NOS1AP: variants seen among roughly 807,000 people sequenced by gnomAD.
NOS1AP encodes the protein nitric oxide synthase 1 adaptor protein.
Under a neutral mutation model 56.2 loss-of-function variants are expected in NOS1AP, and 21 were observed. That is an observed-to-expected ratio of 0.37 (90% CI 0.26 to 0.54). The LOEUF (loss-of-function observed/expected upper bound fraction) is 0.54, where lower values mean the gene tolerates loss of function less well. Ranked by LOEUF, NOS1AP falls within the 20% of genes least tolerant of loss-of-function variation. The pLI, the probability that NOS1AP is intolerant of heterozygous loss-of-function variation, is 0.84. For synonymous variants in NOS1AP, 270 were observed against 274.6 expected (o/e 0.98, Z 0.17); for missense variants, 522 against 657.8 (o/e 0.79, Z 2.26).
At chr1:162,319,192 A>G (rs1369730968) in intron 4 of NOS1AP, among the ~76,000 whole-genome samples, 1 of 152,202 alleles carries the variant, frequency 6.6e-6, no homozygotes, top group Non-Finnish European at 1.5e-5. Context: ...AAACTTGAGC[A>G]TTGAAAGACT....
At chr1:162,207,827 T>G (rs1194188003) in intron 2 of NOS1AP, among the ~76,000 whole-genome samples, 1 of 152,268 alleles carries the variant, frequency 6.6e-6, no homozygotes, top group Non-Finnish European at 1.5e-5. Context: ...TGTGAATGAC[T>G]GTGTTCTTTG....
chr1:162,291,715 G>A (rs925453804), intron 3 of NOS1AP, among the ~76,000 whole-genome samples: 3 of 152,094 alleles, frequency 2.0e-5, no homozygotes, highest in African/African-American at 4.8e-5. Flanking sequence ...TTGAACTGAC[G>A]CCAACAGATA....
At position 162,223,807 on chromosome 1, in the gene NOS1AP, A is replaced by G. The variant is rs113452086; in HGVS notation, c.178-63537A>G. Reference sequence around the variant, plus strand: ...CATAATGGCAGTTTAGTCTATTTGAAGGAAAAAGCCAAAAGGAAGCCTAAG... The same window carrying G: ...CATAATGGCAGTTTAGTCTATTTGAGGGAAAAAGCCAAAAGGAAGCCTAAG... On this transcript the variant is annotated intron_variant, in intron 2 of 9. Coordinates refer to ENST00000361897, the MANE Select transcript of NOS1AP (RefSeq NM_014697.3). Among the ~76,000 whole-genome samples the G allele has an allele frequency of 5.4e-3, 824 of 152,332 alleles. 7 individuals are homozygous for G. The highest frequency in any genetic ancestry group is 0.019 in the African/African-American group (777 of 41,566).
At chr1:162,247,224 C>T (rs1289305692) in intron 2 of NOS1AP, among the ~76,000 whole-genome samples, 1 of 152,170 alleles carries the variant, frequency 6.6e-6, no homozygotes, top group African/African-American at 2.4e-5. Flanking sequence ...GGCATTTTCT[C>T]CCCTTGCCTC....
chr1:162,234,843 G>A (rs886684272), intron 2 of NOS1AP, among the ~76,000 whole-genome samples: 1 of 152,152 alleles, frequency 6.6e-6, no homozygotes, highest in Non-Finnish European at 1.5e-5. Flanking sequence ...AAATTGAGTG[G>A]GGAATTGTAG....
chr1:162,274,262 C>T (rs1174467939), intron 2 of NOS1AP, among the ~76,000 whole-genome samples: 1 of 152,150 alleles, frequency 6.6e-6, no homozygotes, highest in Non-Finnish European at 1.5e-5. Context: ...GTAGGGATGG[C>T]ACCAGGTTCA....
At position 162,166,924 on chromosome 1, in the gene NOS1AP, G is replaced by A. The variant is rs150938901; in HGVS notation, c.177+12448G>A. ...ATCCTTTGCTGGGTGGAAGCTCCTCGCCTACTAATGCGGGTGCCCTGTGGC... is the reference window on the plus strand; with the variant it reads ...ATCCTTTGCTGGGTGGAAGCTCCTCACCTACTAATGCGGGTGCCCTGTGGC... On this transcript the variant is annotated intron_variant, in intron 2 of 9. Transcript: ENST00000361897. Among the ~76,000 whole-genome samples, 336 of 152,218 alleles carry A rather than the reference G, an allele frequency of 2.2e-3. 3 individuals carry two copies. The highest frequency in any genetic ancestry group is 7.5e-3 in the African/African-American group (313 of 41,510).
chr1:162,208,537 A>G (rs1229351875), intron 2 of NOS1AP, among the ~76,000 whole-genome samples: 1 of 152,110 alleles, frequency 6.6e-6, no homozygotes, highest in Non-Finnish European at 1.5e-5. Context: ...TGGACCAGAT[A>G]ATTGTTTGTT....
intron 3 of NOS1AP, among the ~76,000 whole-genome samples, chr1:162,289,209 T>TTTCC (rs752673036): frequency 1.0e-4 from 10 of 99,574 alleles, no homozygotes; most frequent in East Asian, 9.4e-4. Flanking sequence ...CCTTCCTTCC[T>TTTCC]TTCCTTCCTT....
chr1:162,129,020 G>A (rs1303412501), intron 1 of NOS1AP, among the ~76,000 whole-genome samples: 1 of 152,090 alleles, frequency 6.6e-6, no homozygotes, highest in African/African-American at 2.4e-5. Context: ...CCTTTATTCT[G>A]CAGACAGGGA....
At chr1:162,191,320 G>A (rs949548705) in intron 2 of NOS1AP, among the ~76,000 whole-genome samples, 1 of 152,128 alleles carries the variant, frequency 6.6e-6, no homozygotes, top group Non-Finnish European at 1.5e-5. Context: ...TCTTTCCTGG[G>A]GTAGGGTTTC....
intron 2 of NOS1AP, among the ~76,000 whole-genome samples, chr1:162,161,232 T>C (rs1427211924): frequency 2.0e-5 from 3 of 152,220 alleles, no homozygotes; most frequent in Non-Finnish European, 4.4e-5. Context: ...CTTTGTCATG[T>C]GAGGTAACAC....
chr1:162,221,530 G>GCACACA (rs1225944628), intron 2 of NOS1AP, among the ~76,000 whole-genome samples: 684 of 62,528 alleles, frequency 0.011, 14 homozygotes, highest in African/African-American at 0.023. Flanking sequence ...GCACACACAC[G>GCACACA]CGCGCACACA....
At chr1:162,218,046 T>G (rs1045401343) in intron 2 of NOS1AP, among the ~76,000 whole-genome samples, 1 of 152,176 alleles carries the variant, frequency 6.6e-6, no homozygotes, top group Admixed American at 6.5e-5. Flanking sequence ...CTAACTTCCT[T>G]TAAGTATCAC....
intron 2 of NOS1AP, among the ~76,000 whole-genome samples, chr1:162,217,922 T>C (rs922676668): frequency 6.6e-6 from 1 of 152,182 alleles, no homozygotes; most frequent in African/African-American, 2.4e-5. Flanking sequence ...ATGTCTGCCA[T>C]GTACTGAGCA....
At chr1:162,080,403 C>A (rs1208132804) in intron 1 of NOS1AP, among the ~76,000 whole-genome samples, 3 of 152,152 alleles carry the variant, frequency 2.0e-5, no homozygotes, top group East Asian at 1.9e-4. Context: ...CCCATTTATT[C>A]TTGAAACGAA....
intron 1 of NOS1AP, among the ~76,000 whole-genome samples, chr1:162,128,802 A>C (rs1238890935): frequency 6.6e-6 from 1 of 152,172 alleles, no homozygotes; most frequent in East Asian, 1.9e-4. Flanking sequence ...TTCTTTTGTT[A>C]CTTGAAGAAA....
At chr1:162,354,764 G>A (rs1489024169) in intron 6 of NOS1AP, among the ~76,000 whole-genome samples, 3 of 152,330 alleles carry the variant, frequency 2.0e-5, no homozygotes, top group African/African-American at 7.2e-5. Context: ...CCCAGAGAGT[G>A]AGGGGATTTG....
intron 2 of NOS1AP, among the ~76,000 whole-genome samples, chr1:162,174,875 TTTTTGGTGATCTTGACAA>T (rs1165138441): frequency 1.3e-5 from 2 of 152,370 alleles, no homozygotes; most frequent in East Asian, 3.9e-4. Flanking sequence ...GTTTTTCAGA[TTTTTGGTGATCTTGACAA>T]TTTTGGTGAT....
Sources: gnomAD v4.1 joint callset for allele counts (sites outside exome capture counted in the v4.1 genomes callset) on GRCh38, gnomAD v4.1.1 for gene constraint, MANE v1.5 for transcripts, NCBI Gene and HGNC (gene_info 2026-07-23, HGNC 2026-07-21) for gene names.